The following RNF217 variants were observed in gnomAD, a reference collection of about 807,000 sequenced individuals.
RNF217 encodes ring finger protein 217.
RNF217 carries 31 observed loss-of-function variants against 57.8 expected under a neutral mutation model. That is an observed-to-expected ratio of 0.54 (90% CI 0.40 to 0.72). The LOEUF is 0.72. Among genes scored for constraint, RNF217 ranks in the 30% least tolerant of loss-of-function variants. The pLI, the probability that RNF217 is intolerant of heterozygous loss-of-function variation, is 0.00. For missense variants in RNF217, 696 were observed against 708.3 expected (o/e 0.98, Z 0.20); for synonymous variants, 313 against 294.0 (o/e 1.06, Z -0.66).
chr6:125,048,399 C>A, intron 2 of RNF217: 2 of 569,320 alleles, frequency 3.5e-6, no homozygotes, highest in Non-Finnish European at 2.8e-6. Context: ...CATCATGAGG[C>A]AACAGAAATA....
chr6:125,006,215 A>C (rs2085438876), intron 1 of RNF217: 1 of 152,230 alleles, frequency 6.6e-6, no homozygotes, highest in African/African-American at 2.4e-5. Context: ...TTTATGTTGC[A>C]ATAAATGAAG....
intron 1 of RNF217, chr6:125,008,616 C>G (rs1029598506): frequency 8.5e-5 from 13 of 152,208 alleles, no homozygotes; most frequent in Non-Finnish European, 1.6e-4. Flanking sequence ...GCAAATGTAG[C>G]AGCCTTCCGT....
intron 3 of RNF217, among the ~76,000 whole-genome samples, chr6:125,070,621 T>C (rs1788097582): frequency 6.6e-6 from 1 of 152,234 alleles, no homozygotes; most frequent in African/African-American, 2.4e-5. Flanking sequence ...TTTTCATATG[T>C]TTGTTGACTG....
At chr6:124,975,466 T>G (rs1427703914) in intron 1 of RNF217, among the ~76,000 whole-genome samples, 1 of 152,230 alleles carries the variant, frequency 6.6e-6, no homozygotes, top group Non-Finnish European at 1.5e-5. Flanking sequence ...TGTCTCACTC[T>G]GTTGCCTGGG....
chr6:124,965,637 C>A (rs1191044885), intron 1 of RNF217, among the ~76,000 whole-genome samples: 1 of 151,970 alleles, frequency 6.6e-6, no homozygotes, highest in African/African-American at 2.4e-5. Context: ...GTCATAGATA[C>A]CGGGCATGCT....
chr6:125,050,382 C>T (rs1425292109), intron 2 of RNF217, among the ~76,000 whole-genome samples: 1 of 151,760 alleles, frequency 6.6e-6, no homozygotes, highest in Non-Finnish European at 1.5e-5. Context: ...CATCTTTCAC[C>T]CCAGGTGAAA....
chr6:125,040,736 C>T (rs1358517313), intron 1 of RNF217, among the ~76,000 whole-genome samples: 1 of 152,150 alleles, frequency 6.6e-6, no homozygotes, highest in Non-Finnish European at 1.5e-5. Context: ...AAAAGCTTAT[C>T]CACCACGATC....
chr6:124,965,155 C>T (rs753192670), intron 1 of RNF217, among the ~76,000 whole-genome samples: 4 of 152,154 alleles, frequency 2.6e-5, no homozygotes, highest in Non-Finnish European at 5.9e-5. Flanking sequence ...TTGCAGTGTA[C>T]AGTACAACCA....
chr6:125,068,699 G>C (rs1389066342), intron 3 of RNF217, among the ~76,000 whole-genome samples: 1 of 152,174 alleles, frequency 6.6e-6, no homozygotes, highest in African/African-American at 2.4e-5. Flanking sequence ...AGCCCTGTCA[G>C]ATTTTATCAA....
chr6:125,043,057 G>T (rs1475284611), intron 1 of RNF217, among the ~76,000 whole-genome samples: 1 of 151,962 alleles, frequency 6.6e-6, no homozygotes, highest in African/African-American at 2.4e-5. Context: ...CTCCTAAGAT[G>T]GCTTCATGCT....
chr6:124,991,998 C>G (rs1416315927), intron 1 of RNF217, among the ~76,000 whole-genome samples: 1 of 152,106 alleles, frequency 6.6e-6, no homozygotes, highest in Non-Finnish European at 1.5e-5. Context: ...CCAGGGGACT[C>G]AAATGATTTA....
chr6:125,044,050 T>A (rs1164739066), intron 1 of RNF217, among the ~76,000 whole-genome samples: 1 of 130,956 alleles, frequency 7.6e-6, no homozygotes, highest in African/African-American at 2.6e-5. Flanking sequence ...AAAGTTACTA[T>A]GAATTTAGTT....
chr6:125,073,236 G>T (rs1016923941), intron 3 of RNF217, among the ~76,000 whole-genome samples: 1 of 152,132 alleles, frequency 6.6e-6, no homozygotes, highest in Admixed American at 6.6e-5. Context: ...GTCCAGTAGG[G>T]CTGTTGGCCT....
intron 3 of RNF217, among the ~76,000 whole-genome samples, chr6:125,067,658 G>C (rs540547408): frequency 6.6e-6 from 1 of 152,160 alleles, no homozygotes; most frequent in South Asian, 2.1e-4. Context: ...ATGAAATGAT[G>C]ATGAGTTTGG....
chr6:125,045,244 A>C lies in RNF217; in HGVS notation c.916A>C (p.Ile306Leu), dbSNP rs199958328. 7.4e-6 allele frequency: 12 copies of C among 1,613,208 alleles called. No individual in the cohort carries two copies. The highest frequency in any genetic ancestry group is 9.3e-6 in the Non-Finnish European group (11 of 1,179,508). ...QLGQVEIKCPITECFEFLEET... is the reference protein window; with the variant it reads ...QLGQVEIKCPLTECFEFLEET... ...TGGCCAAGTAGAAATCAAATGCCCC[A>C]TCACAGAGTGTTTTGAATTCTTGGA... The change falls in exon 2 of 6, where the codon ATC becomes CTC. Residue 306 changes from isoleucine to leucine, a missense_variant. Ile to Leu is a conservative substitution (Grantham distance 5). Transcript: ENST00000521654.
At chr6:124,979,653 G>T (rs1339981800) in intron 1 of RNF217, among the ~76,000 whole-genome samples, 3 of 152,156 alleles carry the variant, frequency 2.0e-5, no homozygotes, top group African/African-American at 7.2e-5. Flanking sequence ...GACTTACAAA[G>T]GTAATAGGGT....
intron 1 of RNF217, chr6:125,008,760 C>G (rs1398428019): frequency 1.4e-5 from 2 of 146,736 alleles, no homozygotes; most frequent in Admixed American, 6.8e-5. Context: ...TTTTTTTAAC[C>G]CTGTAGGTTT....
intron 1 of RNF217, among the ~76,000 whole-genome samples, chr6:124,997,321 G>A (rs753976696): frequency 6.6e-6 from 1 of 152,140 alleles, no homozygotes; most frequent in African/African-American, 2.4e-5. Context: ...TACAATCCTG[G>A]TGCTTAAGTC....
intron 2 of RNF217, chr6:125,048,187 C>A: frequency 7.4e-7 from 1 of 1,347,950 alleles, no homozygotes; most frequent in Non-Finnish European, 9.9e-7. Flanking sequence ...CCCAGCCAAC[C>A]AATCGTGAGA....
Sources: gnomAD v4.1 joint callset for allele counts (sites outside exome capture counted in the v4.1 genomes callset) on GRCh38, gnomAD v4.1.1 for gene constraint, MANE v1.5 for transcripts, NCBI Gene and HGNC (gene_info 2026-07-23, HGNC 2026-07-21) for gene names.